SAMMSON: variants seen among roughly 807,000 people sequenced by gnomAD.
The protein encoded by SAMMSON is survival associated mitochondrial melanoma specific oncogenic non-coding RNA, also known as long intergenic non-protein coding RNA 1212.
rs1416866574 is a variant in SAMMSON at position 70,045,077 on chromosome 3, AAT to A, written n.418-26391_418-26390del. Among the ~76,000 whole-genome samples the A allele has an allele frequency of 1.2e-3, 90 of 77,306 alleles. 1 individual carries two copies. The highest frequency in any genetic ancestry group is 1.3e-3 in the African/African-American group (21 of 15,848). The allele number at this position is 77,306 out of a possible 152,430, so 50.7% of individuals were successfully genotyped here. A position where few individuals can be genotyped will look rare whatever the true frequency, so the allele number is the denominator to read the frequency against. On this transcript the variant is annotated intron_variant and non_coding_transcript_variant, in intron 3 of 9. Coordinates refer to ENST00000642114, the Ensembl canonical transcript of SAMMSON. Reference sequence around the variant, plus strand: ...ATTAATTATAATATATATTATAATTAATATATATAATTAATTATAATATATAT... The same window carrying A: ...ATTAATTATAATATATATTATAATTAATATATAATTAATTATAATATATAT...
chr3:70,257,871 C>A (rs1346846697), intron 6 of SAMMSON, among the ~76,000 whole-genome samples: 1 of 152,072 alleles, frequency 6.6e-6, no homozygotes, highest in African/African-American at 2.4e-5. Flanking sequence ...TATTTGATTT[C>A]CAAAGTTGCA....
chr3:70,138,514 G>A (rs2067515135), intron 4 of SAMMSON, among the ~76,000 whole-genome samples: 1 of 152,118 alleles, frequency 6.6e-6, no homozygotes, highest in South Asian at 2.1e-4. Context: ...ACTTAGCAAA[G>A]GCCCTACATT....
intron 6 of SAMMSON, among the ~76,000 whole-genome samples, chr3:70,280,875 C>G (rs1256436920): frequency 3.9e-5 from 6 of 152,098 alleles, no homozygotes; most frequent in Non-Finnish European, 8.8e-5. Flanking sequence ...CACAGAAAGT[C>G]CAAGAAGAAT....
At chr3:70,051,134 CAAAAAAAA>C (rs71126477) in intron 3 of SAMMSON, among the ~76,000 whole-genome samples, 26 of 45,232 alleles carry the variant, frequency 5.7e-4, no homozygotes, top group Admixed American at 3.0e-3. Flanking sequence ...TACTCCATCT[CAAAAAAAA>C]AAAAAAAAAA....
chr3:70,100,173 G>T (rs1396021315), intron 4 of SAMMSON, among the ~76,000 whole-genome samples: 1 of 151,938 alleles, frequency 6.6e-6, no homozygotes, highest in East Asian at 1.9e-4. Flanking sequence ...TTGAGACAGG[G>T]TGTTGCTCTA....
At chr3:70,406,838 A>G (rs377478448) in intron 2 of SAMMSON, among the ~76,000 whole-genome samples, 1 of 152,240 alleles carries the variant, frequency 6.6e-6, no homozygotes, top group East Asian at 1.9e-4. Flanking sequence ...GAAAACAATG[A>G]GTGAGATGAT....
intron 4 of SAMMSON, among the ~76,000 whole-genome samples, chr3:70,221,748 T>C (rs573261792): frequency 6.6e-6 from 1 of 152,284 alleles, no homozygotes; most frequent in African/African-American, 2.4e-5. Flanking sequence ...AATTTGGCTG[T>C]TGTCCCAATC....
At chr3:70,196,650 C>T (rs1240759764) in intron 4 of SAMMSON, among the ~76,000 whole-genome samples, 1 of 152,174 alleles carries the variant, frequency 6.6e-6, no homozygotes, top group East Asian at 1.9e-4. Flanking sequence ...AGTCAAGAAA[C>T]ATCTTGTACC....
At chr3:70,422,070 A>G (rs969281593) in intron 2 of SAMMSON, among the ~76,000 whole-genome samples, 3 of 152,056 alleles carry the variant, frequency 2.0e-5, no homozygotes. Context: ...TTAAGACCAT[A>G]ATTTTTCAAT....
chr3:70,042,154 A>C (rs1307222503), intron 3 of SAMMSON, among the ~76,000 whole-genome samples: 2 of 152,078 alleles, frequency 1.3e-5, no homozygotes, highest in Admixed American at 1.3e-4. Flanking sequence ...TGAGAGTTCA[A>C]ATGAGCAGTT....
At chr3:70,375,984 T>G (rs1490767526) in intron 9 of SAMMSON, among the ~76,000 whole-genome samples, 1 of 152,202 alleles carries the variant, frequency 6.6e-6, no homozygotes, top group Admixed American at 6.5e-5. Flanking sequence ...ATGTCTGTCT[T>G]CTTGTTGCTG....
intron 6 of SAMMSON, among the ~76,000 whole-genome samples, chr3:70,288,517 GA>G (rs1351294016): frequency 6.6e-6 from 1 of 150,554 alleles, no homozygotes; most frequent in East Asian, 2.0e-4. Context: ...GTGTGGTGCT[GA>G]AAAAAATGTA....
chr3:70,192,546 C>A (rs1158486803), intron 4 of SAMMSON, among the ~76,000 whole-genome samples: 1 of 152,100 alleles, frequency 6.6e-6, no homozygotes, highest in Non-Finnish European at 1.5e-5. Flanking sequence ...AATGTCCTGG[C>A]CTCCCACCAA....
intron 4 of SAMMSON, among the ~76,000 whole-genome samples, chr3:70,239,222 A>G (rs1298454457): frequency 6.6e-6 from 1 of 152,168 alleles, no homozygotes; most frequent in Non-Finnish European, 1.5e-5. Context: ...ATGTCATGAA[A>G]TTTACCTGTA....
chr3:70,299,851 C>T (rs928269862), intron 7 of SAMMSON, among the ~76,000 whole-genome samples: 5 of 152,068 alleles, frequency 3.3e-5, no homozygotes, highest in Non-Finnish European at 5.9e-5. Flanking sequence ...TGTTTAATAA[C>T]ATTCAGTTTA....
rs576302313 is a variant in SAMMSON, at chr3:70,179,244, T to A, written n.508-69863T>A. Reference sequence around the variant, plus strand: ...CTCTTCTGTGGGTGCTGTCTCTTTTTCCCCTTCTCACTTCTTAAACCTTGG... The same window carrying A: ...CTCTTCTGTGGGTGCTGTCTCTTTTACCCCTTCTCACTTCTTAAACCTTGG... On this transcript the variant is annotated intron_variant and non_coding_transcript_variant, in intron 4 of 9. Coordinates refer to ENST00000642114, the Ensembl canonical transcript of SAMMSON. Among the ~76,000 whole-genome samples the A allele has an allele frequency of 5.3e-5, 8 of 152,342 alleles. No homozygotes were observed. In the East Asian group the frequency reaches 1.5e-3, roughly 29 times the overall value.
chr3:70,116,495 T>C (rs1197354723), intron 4 of SAMMSON, among the ~76,000 whole-genome samples: 1 of 151,998 alleles, frequency 6.6e-6, no homozygotes, highest in Non-Finnish European at 1.5e-5. Context: ...CTACCAATTT[T>C]CTAATGAAAG....
In SAMMSON at chr3:70,382,596, C is replaced by G. The variant is rs192928600; in HGVS notation, n.914-6978C>G. On this transcript the variant is annotated intron_variant and non_coding_transcript_variant, in intron 9 of 9. Transcript: ENST00000642114. ...GGATCATGGCTCTCCCTGGATGGCT[C>G]TTTCAAAATGTTTGTATTTTTTTCA... Among the ~76,000 whole-genome samples, 591 of 151,686 alleles carry G rather than the reference C, an allele frequency of 3.9e-3. 2 individuals carry two copies. Among genetic ancestry groups the G allele is most frequent in the Non-Finnish European group, 6.5e-3 (443 of 67,846 alleles).
At chr3:70,369,167 G>A (rs1372468284) in intron 9 of SAMMSON, among the ~76,000 whole-genome samples, 1 of 151,338 alleles carries the variant, frequency 6.6e-6, no homozygotes, top group African/African-American at 2.4e-5. Context: ...CCAATTATTT[G>A]AAAGCCATTG....
Sources: gnomAD v4.1 joint callset for allele counts (sites outside exome capture counted in the v4.1 genomes callset) on GRCh38, gnomAD v4.1.1 for gene constraint, MANE v1.5 for transcripts, NCBI Gene and HGNC (gene_info 2026-07-23, HGNC 2026-07-21) for gene names.